RAPGEF4: variants seen among roughly 807,000 people sequenced by gnomAD.
RAPGEF4 encodes RAP guanine-nucleotide-exchange factor (GEF) 4.
A neutral mutation model predicts 147.9 loss-of-function variants in RAPGEF4; 66 were observed. The observed-to-expected ratio is 0.45, with a 90% CI of 0.37 to 0.55. RAPGEF4 has a LOEUF of 0.55. RAPGEF4 is among the 20% of genes least tolerant of loss of function. RAPGEF4 has a pLI of 0.00. For missense variants in RAPGEF4, 1,071 were observed against 1,257.3 expected (o/e 0.85, Z 2.24); for synonymous variants, 419 against 442.7 (o/e 0.95, Z 0.67).
intron 4 of RAPGEF4, among the ~76,000 whole-genome samples, chr2:172,879,826 T>A (rs1696396103): frequency 6.6e-6 from 1 of 152,106 alleles, no homozygotes; most frequent in Non-Finnish European, 1.5e-5. Context: ...CTTGTATAAT[T>A]TGTTAAGCGT....
At chr2:172,914,798 T>G (rs1013160505) in intron 4 of RAPGEF4, among the ~76,000 whole-genome samples, 5 of 152,248 alleles carry the variant, frequency 3.3e-5, no homozygotes, top group Non-Finnish European at 7.3e-5. Flanking sequence ...AGCAAACTTT[T>G]TGGAACTTTG....
At chr2:172,923,641 G>T (rs1485690301) in intron 6 of RAPGEF4, among the ~76,000 whole-genome samples, 1 of 152,170 alleles carries the variant, frequency 6.6e-6, no homozygotes, top group Non-Finnish European at 1.5e-5. Flanking sequence ...TCTGGCAAAG[G>T]TTTCAGTTCC....
At chr2:172,786,990 A>G in intron 1 of RAPGEF4, among the ~76,000 whole-genome samples, 1 of 152,126 alleles carries the variant, frequency 6.6e-6, no homozygotes, top group Non-Finnish European at 1.5e-5. Context: ...CGGGTGGATC[A>G]CCTGAGGTCA....
intron 22 of RAPGEF4, among the ~76,000 whole-genome samples, chr2:173,019,514 G>A (rs1695841113): frequency 6.6e-6 from 1 of 152,218 alleles, no homozygotes; most frequent in African/African-American, 2.4e-5. Context: ...ATATTGTAGT[G>A]AGAGACTAGA....
chr2:173,014,319 G>C, intron 17 of RAPGEF4, 145 bp from the exon 18 acceptor site: 2 of 959,402 alleles, frequency 2.1e-6, no homozygotes, highest in Admixed American at 5.2e-5. Context: ...ACTTTCTGTG[G>C]GGTTTTTCAT....
At position 172,943,463 on chromosome 2, in the gene RAPGEF4, GGTT is replaced by G. The variant is rs201090109; in HGVS notation, c.538-17290_538-17288del. Among the ~76,000 whole-genome samples the G allele has an allele frequency of 9.8e-3, 1,490 of 152,222 alleles. 22 individuals are homozygous for G. Among genetic ancestry groups the G allele is most frequent in the African/African-American group, 0.033 (1,381 of 41,530 alleles). The stretch of plus-strand genomic sequence containing the variant: ...TGGGAGTAATGGGAGCTCATCAAAG[GGTT>G]GTTGTTAGTATTCAATAAGATAACT... On this transcript the variant is annotated intron_variant, in intron 6 of 30. Coordinates refer to ENST00000397081, the MANE Select transcript of RAPGEF4 (RefSeq NM_007023.4).
At chr2:172,831,265 A>AATTTTTTTTTTTT (rs1491195850) in intron 4 of RAPGEF4, among the ~76,000 whole-genome samples, 9 of 16,620 alleles carry the variant, frequency 5.4e-4, no homozygotes, top group East Asian at 4.8e-3. Flanking sequence ...CAGATAGAAA[A>AATTTTTTTTTTTT]CTTTTTTTTT....
At chr2:172,965,412 G>A in intron 8 of RAPGEF4, 150 bp from the exon 9 acceptor site, 1 of 858,952 alleles carries the variant, frequency 1.2e-6, no homozygotes, top group Non-Finnish European at 1.8e-6. Flanking sequence ...AGAACCTGAA[G>A]CTACCGCGTG....
At chr2:172,738,656 A>G (rs1017045125) in intron 1 of RAPGEF4, among the ~76,000 whole-genome samples, 1 of 152,156 alleles carries the variant, frequency 6.6e-6, no homozygotes, top group Non-Finnish European at 1.5e-5. Context: ...AATCTTTTTT[A>G]TTATGGACAT....
chr2:172,974,292 C>T (rs1690824502), intron 10 of RAPGEF4, among the ~76,000 whole-genome samples: 1 of 152,170 alleles, frequency 6.6e-6, no homozygotes. Context: ...CTGTGCACTA[C>T]CATAACCTGC....
intron 4 of RAPGEF4, among the ~76,000 whole-genome samples, chr2:172,896,982 A>G (rs1698542621): frequency 6.6e-6 from 1 of 152,142 alleles, no homozygotes; most frequent in African/African-American, 2.4e-5. Context: ...AGGGATGGTC[A>G]GATTTGGGCT....
rs1239430661 is a variant in RAPGEF4 at position 172,795,053 on chromosome 2, G to T, written c.94G>T (p.Asp32Tyr). 6.2e-7 allele frequency: 1 copy of T among 1,613,870 alleles called. No homozygotes were observed. Among genetic ancestry groups the T allele is most frequent in the Non-Finnish European group, 8.5e-7 (1 of 1,179,906 alleles). ...ACTGGAGCGATCCAGCGAAGATGTGGATATAATCTTCACTCGACTGAAAGA... is the reference window on the plus strand; with the variant it reads ...ACTGGAGCGATCCAGCGAAGATGTGTATATAATCTTCACTCGACTGAAAGA... ...RPLERSSEDVDIIFTRLKEVK... is the reference protein window; with the variant it reads ...RPLERSSEDVYIIFTRLKEVK... The change falls in exon 2 of 31, where the codon GAT becomes TAT. Residue 32 changes from aspartate (D) to tyrosine (Y), a missense_variant. Asp to Tyr is a radical substitution (Grantham distance 160). Coordinates refer to ENST00000397081, the MANE Select transcript of RAPGEF4 (RefSeq NM_007023.4).
At chr2:172,826,129 A>G (rs1689642778) in intron 4 of RAPGEF4, among the ~76,000 whole-genome samples, 5 of 152,200 alleles carry the variant, frequency 3.3e-5, no homozygotes. Context: ...TGACTGTGGA[A>G]GGCTCTGGTC....
At chr2:172,931,024 G>A (rs990097230) in intron 6 of RAPGEF4, among the ~76,000 whole-genome samples, 2 of 152,040 alleles carry the variant, frequency 1.3e-5, no homozygotes, top group African/African-American at 2.4e-5. Flanking sequence ...CCCTAGAAGC[G>A]CATGTTTGCC....
rs374010484 is a variant in RAPGEF4, at chr2:172,776,925, G to A, written c.66-18100G>A. Among the ~76,000 whole-genome samples the A allele has an allele frequency of 5.9e-5, 9 of 152,124 alleles. No individual in the cohort carries two copies. In the East Asian group the frequency reaches 1.2e-3, roughly 20 times the overall value. Reference sequence around the variant, plus strand: ...CAACATTTCTGTAATCTCTGACTCTGTTTTTACTGATTATTTTTCTGATTA... The same window carrying A: ...CAACATTTCTGTAATCTCTGACTCTATTTTTACTGATTATTTTTCTGATTA... On this transcript the variant is annotated intron_variant, in intron 1 of 30. Coordinates refer to ENST00000397081, the MANE Select transcript of RAPGEF4 (RefSeq NM_007023.4).
chr2:172,869,212 C>G (rs1694954855), intron 4 of RAPGEF4, among the ~76,000 whole-genome samples: 1 of 152,116 alleles, frequency 6.6e-6, no homozygotes, highest in South Asian at 2.1e-4. Flanking sequence ...AATGAGATAA[C>G]ACAGGAAAGT....
At chr2:172,937,733 T>A (rs1299917964) in intron 6 of RAPGEF4, among the ~76,000 whole-genome samples, 1 of 152,192 alleles carries the variant, frequency 6.6e-6, no homozygotes, top group Non-Finnish European at 1.5e-5. Context: ...GCAGAATAGC[T>A]ACATTGTTTG....
chr2:173,049,541 A>G (rs931186412), intron 30 of RAPGEF4, among the ~76,000 whole-genome samples: 10 of 152,212 alleles, frequency 6.6e-5, no homozygotes, highest in African/African-American at 2.4e-4. Flanking sequence ...GTGCTAAGAG[A>G]CTATGATGTT....
At chr2:172,799,441 C>G (rs567668026) in intron 3 of RAPGEF4, among the ~76,000 whole-genome samples, 2 of 152,338 alleles carry the variant, frequency 1.3e-5, no homozygotes, top group South Asian at 4.1e-4. Flanking sequence ...CAACTTCCCT[C>G]TCTCCCTGCC....
Sources: allele counts gnomAD v4.1 joint callset (sites outside exome capture counted in the v4.1 genomes callset), GRCh38; gene constraint gnomAD v4.1.1; transcripts MANE v1.5; gene names NCBI Gene and HGNC (gene_info 2026-07-23, HGNC 2026-07-21).